Variants in SLC25A48 observed in about 807,000 individuals in gnomAD.
SLC25A48 encodes the protein solute carrier family 25 member 48.
SLC25A48 carries 29 observed loss-of-function variants against 32.2 expected under a neutral mutation model. The observed-to-expected ratio is 0.90, with a 90% CI of 0.67 to 1.23. SLC25A48 has a LOEUF of 1.23. SLC25A48 is among the 50% of genes most tolerant of loss of function. The pLI, the probability that SLC25A48 is intolerant of heterozygous loss-of-function variation, is 0.00. For missense variants in SLC25A48, 399 were observed against 422.7 expected (o/e 0.94, Z 0.49); for synonymous variants, 164 against 172.3 (o/e 0.95, Z 0.38).
At chr5:135,652,358 C>A (rs996823777) in intron 3 of SLC25A48, 3 of 455,856 alleles carry the variant, frequency 6.6e-6, no homozygotes, top group African/African-American at 6.0e-5. Flanking sequence ...GACTTACCTT[C>A]TTTGCACATA....
At chr5:135,691,839 G>A (rs1038180739) in intron 3 of SLC25A48, among the ~76,000 whole-genome samples, 2 of 152,124 alleles carry the variant, frequency 1.3e-5, no homozygotes, top group African/African-American at 2.4e-5. Flanking sequence ...CATGGGACAC[G>A]GACTCTGACA....
chr5:135,769,952 T>A (rs1394210350), intron 3 of SLC25A48, among the ~76,000 whole-genome samples: 1 of 150,756 alleles, frequency 6.6e-6, no homozygotes, highest in Non-Finnish European at 1.5e-5. Flanking sequence ...AAGTATAGTA[T>A]TACTCCCAAT....
At chr5:135,804,310 A>G (rs1302954584) in intron 3 of SLC25A48, among the ~76,000 whole-genome samples, 1 of 151,774 alleles carries the variant, frequency 6.6e-6, no homozygotes, top group Non-Finnish European at 1.5e-5. Context: ...GGGTTTCCAC[A>G]CATGGTGTAT....
chr5:135,649,217 T>C (rs529913312), intron 3 of SLC25A48: 2 of 152,284 alleles, frequency 1.3e-5, no homozygotes, highest in Admixed American at 1.3e-4. Context: ...TCACTAGGTA[T>C]GGGGTCTTGT....
chr5:135,698,522 C>G lies in SLC25A48; in HGVS notation c.-521+63566C>G, dbSNP rs1754319439. Among the ~76,000 whole-genome samples, 3 of 152,024 alleles carry G rather than the reference C, an allele frequency of 2.0e-5. No homozygotes were observed. In the South Asian group the frequency reaches 6.2e-4, roughly 32 times the overall value. ...TCCTTATGGCTCTGAGCAACCACTA[C>G]AGTTTTTAAAAATAATAATAATTTG... On this transcript the variant is annotated intron_variant, in intron 3 of 10. Transcript: ENST00000646290.
chr5:135,815,210 G>T (rs997878538), intron 4 of SLC25A48, among the ~76,000 whole-genome samples: 1 of 152,292 alleles, frequency 6.6e-6, no homozygotes, highest in South Asian at 2.1e-4. Flanking sequence ...TCCACAGAGA[G>T]GGGGAAGGCA....
At chr5:135,700,244 T>C (rs6596260) in intron 3 of SLC25A48, among the ~76,000 whole-genome samples, 119,468 of 150,984 alleles carry the variant, frequency 0.79, 47,598 homozygotes, top group Middle Eastern at 0.87. Context: ...TGGTGGCGTG[T>C]GCCTGTAATC....
chr5:135,657,588 A>T (rs1252281796), intron 3 of SLC25A48, among the ~76,000 whole-genome samples: 1 of 152,222 alleles, frequency 6.6e-6, no homozygotes, highest in Non-Finnish European at 1.5e-5. Context: ...TGACTGGGAG[A>T]TGGGAGTCCC....
At chr5:135,767,206 G>A (rs1756262004) in intron 3 of SLC25A48, among the ~76,000 whole-genome samples, 1 of 150,974 alleles carries the variant, frequency 6.6e-6, no homozygotes, top group Non-Finnish European at 1.5e-5. Flanking sequence ...CCGTGATATG[G>A]TTTGTAATAT....
chr5:135,779,440 C>T (rs1756664604), intron 3 of SLC25A48, among the ~76,000 whole-genome samples: 3 of 151,198 alleles, frequency 2.0e-5, no homozygotes, highest in Non-Finnish European at 2.9e-5. Flanking sequence ...ATCACAGGGA[C>T]TGTACACCCC....
intron 4 of SLC25A48, among the ~76,000 whole-genome samples, chr5:135,823,733 G>T (rs1757951432): frequency 6.6e-6 from 1 of 152,216 alleles, no homozygotes; most frequent in Admixed American, 6.5e-5. Flanking sequence ...TCATGAAGAA[G>T]GTGATGCCAC....
intron 3 of SLC25A48, among the ~76,000 whole-genome samples, chr5:135,760,949 G>A (rs1021733314): frequency 5.9e-5 from 9 of 152,068 alleles, no homozygotes; most frequent in Admixed American, 5.9e-4. Flanking sequence ...TAGTATTTTT[G>A]TTTGGAAAGT....
chr5:135,613,863 G>C (rs1752128477), intron 1 of SLC25A48, among the ~76,000 whole-genome samples: 1 of 152,200 alleles, frequency 6.6e-6, no homozygotes, highest in African/African-American at 2.4e-5. Flanking sequence ...ATATTTTGAA[G>C]TTAGGTGGTG....
At chr5:135,581,762 G>C (rs956310483) in intron 1 of SLC25A48, among the ~76,000 whole-genome samples, 2 of 152,256 alleles carry the variant, frequency 1.3e-5, no homozygotes, top group African/African-American at 2.4e-5. Context: ...GGCAGCCACT[G>C]TGCAAGCAGA....
intron 3 of SLC25A48, among the ~76,000 whole-genome samples, chr5:135,676,303 G>A (rs1234273586): frequency 6.6e-6 from 1 of 151,790 alleles, no homozygotes; most frequent in Non-Finnish European, 1.5e-5. Context: ...ATGATCTTTT[G>A]TATTTCTGTG....
At chr5:135,751,832 C>A (rs1402850274) in intron 3 of SLC25A48, among the ~76,000 whole-genome samples, 4 of 152,030 alleles carry the variant, frequency 2.6e-5, no homozygotes, top group Non-Finnish European at 4.4e-5. Context: ...GACCTTGTCT[C>A]ATAAAAAAAT....
intron 4 of SLC25A48, among the ~76,000 whole-genome samples, chr5:135,816,188 A>G (rs1304080211): frequency 6.6e-6 from 1 of 152,154 alleles, no homozygotes; most frequent in South Asian, 2.1e-4. Flanking sequence ...CCATCATCCA[A>G]TTACCTCCCA....
At chr5:135,700,401 A>C (rs1008356628) in intron 3 of SLC25A48, among the ~76,000 whole-genome samples, 3 of 151,198 alleles carry the variant, frequency 2.0e-5, no homozygotes, top group African/African-American at 7.3e-5. Context: ...AAAGAAAGAA[A>C]GAAAAGAAAA....
At chr5:135,676,345 G>T (rs574417767) in intron 3 of SLC25A48, among the ~76,000 whole-genome samples, 6 of 151,610 alleles carry the variant, frequency 4.0e-5, no homozygotes, top group African/African-American at 1.4e-4. Flanking sequence ...TTTATTTTCC[G>T]ATTTTATTTA....
Sources: gnomAD v4.1 joint callset for allele counts (sites outside exome capture counted in the v4.1 genomes callset) on GRCh38, gnomAD v4.1.1 for gene constraint, MANE v1.5 for transcripts, NCBI Gene and HGNC (gene_info 2026-07-23, HGNC 2026-07-21) for gene names.